The following CNTN3 variants were observed in gnomAD, a reference collection of about 807,000 sequenced individuals.
CNTN3 encodes contactin 3.
In CNTN3, 60 loss-of-function variants were observed where a neutral mutation model predicts 119.1. The ratio of observed to expected loss-of-function variants is 0.50; its 90% confidence interval spans 0.41 to 0.62. CNTN3 has a LOEUF of 0.62. CNTN3 is among the 20% of genes least tolerant of loss of function. CNTN3 has a pLI of 0.00. For missense variants in CNTN3, 1,101 were observed against 1,242.4 expected, an observed-to-expected ratio of 0.89 and a Z score of 1.71; for synonymous variants, 450 against 438.7, an observed-to-expected ratio of 1.03 and a Z score of -0.32.
At chr3:74,529,621 T>G (rs1265012877) in intron 1 of CNTN3, among the ~76,000 whole-genome samples, 1 of 151,956 alleles carries the variant, frequency 6.6e-6, no homozygotes, top group East Asian at 1.9e-4. Flanking sequence ...GTAAAATCAT[T>G]TATTACACTA....
In CNTN3 at chr3:74,415,737, G is replaced by A. The variant is rs141059994; in HGVS notation, c.454+9108C>T. On this transcript the variant is annotated intron_variant, in intron 5 of 22. Coordinates refer to ENST00000263665, the MANE Select transcript of CNTN3 (RefSeq NM_020872.3). ...GAGCCTGCAGGCCAGGCAGTCTTTC[G>A]TCCTTAATCTCTGCCCCTGGTCTCT... 6.8e-3 allele frequency among the ~76,000 whole-genome samples: 1,040 copies of A among 152,242 alleles called. 12 individuals carry two copies. The highest frequency in any genetic ancestry group is 0.024 in the African/African-American group (1,000 of 41,536).
intron 1 of CNTN3, among the ~76,000 whole-genome samples, chr3:74,601,940 C>T (rs1167287333): frequency 6.6e-6 from 1 of 151,964 alleles, no homozygotes; most frequent in Non-Finnish European, 1.5e-5. Flanking sequence ...AACAATAGAG[C>T]CAGACAGTCC....
intron 5 of CNTN3, among the ~76,000 whole-genome samples, chr3:74,383,600 T>G (rs1015725834): frequency 2.0e-5 from 3 of 152,116 alleles, no homozygotes; most frequent in African/African-American, 7.2e-5. Context: ...ATCCTCCCAC[T>G]GCAGCCACCT....
chr3:74,577,878 C>T (rs564795538), intron 1 of CNTN3, among the ~76,000 whole-genome samples: 1 of 152,014 alleles, frequency 6.6e-6, no homozygotes, highest in African/African-American at 2.4e-5. Flanking sequence ...ACATGCCTGG[C>T]ACAAGGCAAG....
At chr3:74,278,677 C>T (rs542266249) in intron 20 of CNTN3, among the ~76,000 whole-genome samples, 7 of 152,208 alleles carry the variant, frequency 4.6e-5, no homozygotes, top group South Asian at 2.1e-4. Context: ...ATTGGAAAAA[C>T]GCTTCTCAAC....
At chr3:74,461,568 G>A (rs1702368043) in intron 4 of CNTN3, among the ~76,000 whole-genome samples, 2 of 151,852 alleles carry the variant, frequency 1.3e-5, no homozygotes, top group Non-Finnish European at 2.9e-5. Context: ...TCCTTCTTTT[G>A]GCAATGTTAA....
At chr3:74,582,828 A>T (rs1037629031) in intron 1 of CNTN3, among the ~76,000 whole-genome samples, 2 of 147,278 alleles carry the variant, frequency 1.4e-5, no homozygotes, top group South Asian at 4.2e-4. Context: ...CCTACGACAC[A>T]GAATTTCTAC....
chr3:74,341,214 A>G (rs944574189), intron 11 of CNTN3, among the ~76,000 whole-genome samples: 4 of 152,222 alleles, frequency 2.6e-5, no homozygotes, highest in African/African-American at 9.6e-5. Context: ...GCACAACATA[A>G]AAATAAACAA....
At chr3:74,514,444 TG>T (rs756944657) in intron 2 of CNTN3, among the ~76,000 whole-genome samples, 14 of 152,110 alleles carry the variant, frequency 9.2e-5, no homozygotes, top group Non-Finnish European at 1.5e-4. Context: ...ATGAAAAAAC[TG>T]GCAACCATTA....
intron 13 of CNTN3, among the ~76,000 whole-genome samples, chr3:74,327,987 T>C (rs974651989): frequency 6.6e-6 from 1 of 151,814 alleles, no homozygotes; most frequent in Non-Finnish European, 1.5e-5. Context: ...GATTATCAAT[T>C]GCTTTTTGAT....
chr3:74,614,492 C>A lies in CNTN3; in HGVS notation c.-182G>T. On this transcript the variant is annotated 5_prime_UTR_variant, in exon 1 of 23. Transcript: ENST00000263665. ...CGCCGCCGCCGCAGTTAGTCCGGGC[C>A]CGGGGGGCCGCCGTGCGCGCCCGCG... Among the ~76,000 whole-genome samples, 1 of 146,162 alleles carries A rather than the reference C, an allele frequency of 6.8e-6. No homozygotes were observed. The highest frequency in any genetic ancestry group is 2.5e-5 in the African/African-American group (1 of 40,754).
chr3:74,465,870 T>A (rs1055418255), intron 4 of CNTN3, among the ~76,000 whole-genome samples: 1 of 152,174 alleles, frequency 6.6e-6, no homozygotes, highest in African/African-American at 2.4e-5. Context: ...ATTCAGATGC[T>A]GGCTGACATC....
chr3:74,402,312 A>T (rs2106852059), intron 5 of CNTN3, among the ~76,000 whole-genome samples: 1 of 152,156 alleles, frequency 6.6e-6, no homozygotes, highest in South Asian at 2.1e-4. Flanking sequence ...TTAGTTTGGG[A>T]TTTAACGATG....
intron 8 of CNTN3, among the ~76,000 whole-genome samples, chr3:74,366,741 C>A (rs1249934326): frequency 2.4e-5 from 3 of 126,924 alleles, no homozygotes; most frequent in Non-Finnish European, 3.3e-5. Context: ...TCTAAGTTTT[C>A]TCTTTTATGT....
intron 11 of CNTN3, among the ~76,000 whole-genome samples, chr3:74,355,855 T>C (rs540506253): frequency 6.6e-6 from 1 of 152,178 alleles, no homozygotes; most frequent in East Asian, 1.9e-4. Flanking sequence ...AATTCCTTAA[T>C]TCGGTATACA....
intron 1 of CNTN3, among the ~76,000 whole-genome samples, chr3:74,583,012 G>A (rs902291330): frequency 6.6e-6 from 1 of 152,156 alleles, no homozygotes; most frequent in East Asian, 1.9e-4. Flanking sequence ...GGGCTACATG[G>A]AGACACACCA....
At chr3:74,469,878 AT>A (rs936988860) in intron 4 of CNTN3, among the ~76,000 whole-genome samples, 9 of 152,358 alleles carry the variant, frequency 5.9e-5, no homozygotes, top group Non-Finnish European at 1.0e-4. Context: ...TAATAAAAAA[AT>A]ATTCTGCATA....
At chr3:74,456,720 T>C (rs56723939) in intron 4 of CNTN3, among the ~76,000 whole-genome samples, 30,498 of 152,032 alleles carry the variant, frequency 0.2, 3,188 homozygotes, top group Admixed American at 0.26. Flanking sequence ...TGAAACTTCA[T>C]TGTAGCTGAT....
At chr3:74,528,521 C>T (rs1296168906) in intron 1 of CNTN3, among the ~76,000 whole-genome samples, 1 of 151,652 alleles carries the variant, frequency 6.6e-6, no homozygotes, top group South Asian at 2.1e-4. Flanking sequence ...TAGAATTAAC[C>T]CACTATAATC....
Sources: gnomAD v4.1 joint callset for allele counts (sites outside exome capture counted in the v4.1 genomes callset) on GRCh38, gnomAD v4.1.1 for gene constraint, MANE v1.5 for transcripts, NCBI Gene and HGNC (gene_info 2026-07-23, HGNC 2026-07-21) for gene names.